The following TEX11 variants were observed in gnomAD, a reference collection of about 807,000 sequenced individuals.
TEX11 encodes testis expressed 11, also known as testis-expressed protein 11.
In TEX11, 7 loss-of-function variants were observed where a neutral mutation model predicts 84.4. The observed-to-expected ratio is 0.08, with a 90% CI of 0.05 to 0.16. The LOEUF is 0.16. TEX11 is among the 10% of genes least tolerant of loss of function. The pLI is 1.00. For missense variants in TEX11, 551 were observed against 660.5 expected (o/e 0.83, Z 1.82); for synonymous variants, 264 against 222.8 (o/e 1.18, Z -1.64).
Position 70,629,094 on chromosome X carries a change from G to A in TEX11, c.1608+517C>T, listed in dbSNP as rs188017959. 2.6e-3 allele frequency among the ~76,000 whole-genome samples: 293 copies of A among 112,120 alleles called. 1 individual carries two copies. Among genetic ancestry groups the A allele is most frequent in the Non-Finnish European group, 4.3e-3 (230 of 53,157 alleles). ...AAGCACAGATTAAATGGCAGAGCCA[G>A]TATTCAAACCTAGTCTAAGAGCTCC... On this transcript the variant is annotated intron_variant, in intron 18 of 29. Coordinates refer to ENST00000374333, the MANE Select transcript of TEX11 (RefSeq NM_031276.3).
At chrX:70,512,712 T>C in the TEX11 span, among the ~76,000 whole-genome samples, 1 of 108,891 alleles carries the variant, frequency 9.2e-6, no homozygotes, top group Non-Finnish European at 1.9e-5. Context: ...AATGGACAGA[T>C]GAATGAATGA....
chrX:70,877,465 T>C (rs1225102284), intron 3 of TEX11, among the ~76,000 whole-genome samples: 1 of 111,498 alleles, frequency 9.0e-6, no homozygotes, highest in Non-Finnish European at 1.9e-5. Flanking sequence ...TGGAAAACAG[T>C]ATGGTGGTTC....
At chrX:70,809,472 T>C (rs1221321931) in intron 8 of TEX11, among the ~76,000 whole-genome samples, 1 of 109,221 alleles carries the variant, frequency 9.2e-6, no homozygotes, top group Non-Finnish European at 1.9e-5. Context: ...GTGTTGGGGG[T>C]AGAGGGAAAA....
chrX:70,724,224 A>G, intron 12 of TEX11: 3 of 753,020 alleles, frequency 4.0e-6, no homozygotes, highest in Non-Finnish European at 4.7e-6. Context: ...TTATTCCCCC[A>G]ATGCAAAAAA....
At chrX:70,525,164 G>C (rs1038157750), downstream of TEX11, among the ~76,000 whole-genome samples, 8 of 111,090 alleles carry the variant, frequency 7.2e-5, no homozygotes, top group Admixed American at 7.7e-4. Context: ...CTGGGTGACA[G>C]AGCAAAATGC....
chrX:70,629,014 G>T lies in TEX11; in HGVS notation c.1608+597C>A, dbSNP rs747829661. Reference sequence around the variant, plus strand: ...CTTAATCGATTTTCATAACAATCCTGGAGGTAGGCATTATCTTTATTTTGC... The same window carrying T: ...CTTAATCGATTTTCATAACAATCCTTGAGGTAGGCATTATCTTTATTTTGC... On this transcript the variant is annotated intron_variant, in intron 18 of 29. Transcript: ENST00000374333. Among the ~76,000 whole-genome samples the T allele has an allele frequency of 6.2e-5, 7 of 112,037 alleles. No individual in the cohort carries two copies. The South Asian group carries it at 2.6e-3, about 42-fold the overall frequency.
chrX:70,780,981 G>A (rs372701453), intron 9 of TEX11, among the ~76,000 whole-genome samples: 15 of 112,392 alleles, frequency 1.3e-4, no homozygotes, highest in South Asian at 3.7e-4. Flanking sequence ...GTTTGAGCTC[G>A]GAGAATGGAC....
intron 25 of TEX11, among the ~76,000 whole-genome samples, chrX:70,574,964 C>A (rs1005426815): frequency 1.8e-5 from 2 of 110,865 alleles, no homozygotes; most frequent in African/African-American, 6.6e-5. Flanking sequence ...CATAGTAGGG[C>A]TAGAGTACAT....
intron 7 of TEX11, among the ~76,000 whole-genome samples, chrX:70,837,926 G>A (rs1282362171): frequency 1.8e-5 from 2 of 111,790 alleles, no homozygotes; most frequent in African/African-American, 3.3e-5. Flanking sequence ...ACACAAGTGA[G>A]TTCATGTAAA....
intron 15 of TEX11, among the ~76,000 whole-genome samples, chrX:70,671,524 T>C (rs1050141695): frequency 9.1e-6 from 1 of 110,342 alleles, no homozygotes; most frequent in African/African-American, 3.3e-5. Context: ...TTTAAGAAAA[T>C]TATTCAGCAA....
At chrX:70,615,431 A>T (rs919105988) in intron 20 of TEX11, among the ~76,000 whole-genome samples, 2 of 112,088 alleles carry the variant, frequency 1.8e-5, no homozygotes, top group African/African-American at 3.2e-5. Context: ...AGAACTGATC[A>T]GGCAGAAGAA....
chrX:70,599,254 A>G (rs2089055609), intron 24 of TEX11, among the ~76,000 whole-genome samples: 1 of 112,136 alleles, frequency 8.9e-6, no homozygotes, highest in Non-Finnish European at 1.9e-5. Context: ...ACAACCCCCC[A>G]GGGGCCTGAT....
At chrX:70,876,028 G>A (rs946569499) in intron 3 of TEX11, among the ~76,000 whole-genome samples, 10 of 111,972 alleles carry the variant, frequency 8.9e-5, no homozygotes, top group Admixed American at 1.9e-4. Flanking sequence ...AATAAGATGC[G>A]CTAATGGACA....
At chrX:70,757,272 C>T (rs778818277) in intron 9 of TEX11, among the ~76,000 whole-genome samples, 1 of 111,103 alleles carries the variant, frequency 9.0e-6, no homozygotes, top group East Asian at 2.8e-4. Flanking sequence ...ACAGAGAATA[C>T]CACAAAGATA....
At chrX:70,751,995 A>G (rs778786349) in intron 9 of TEX11, among the ~76,000 whole-genome samples, 126 of 112,501 alleles carry the variant, frequency 1.1e-3, no homozygotes, top group Non-Finnish European at 2.0e-3. Flanking sequence ...AATATATTCG[A>G]TAACGATTAA....
rs762971246 is a variant in TEX11 at position 70,906,658 on chromosome X, G to A, written c.37+1095C>T. 1.3e-4 allele frequency among the ~76,000 whole-genome samples: 14 copies of A among 110,285 alleles called. No homozygotes were observed. The East Asian group carries it at 2.6e-3, about 20-fold the overall frequency. Reference sequence around the variant, plus strand: ...AAAAATTAGCCAGGCATGGTGGCGCGGGCCTGTAGTCCCAGCTACTTGGGA... The same window carrying A: ...AAAAATTAGCCAGGCATGGTGGCGCAGGCCTGTAGTCCCAGCTACTTGGGA... On this transcript the variant is annotated intron_variant, in intron 2 of 29. Coordinates refer to ENST00000374333, the MANE Select transcript of TEX11 (RefSeq NM_031276.3).
chrX:70,661,743 T>A (rs1264062540), intron 16 of TEX11, among the ~76,000 whole-genome samples: 9 of 111,644 alleles, frequency 8.1e-5, no homozygotes, highest in Non-Finnish European at 1.5e-4. Context: ...TCCGCTCTGA[T>A]ACCCAGGCAA....
chrX:70,521,082 T>C, the TEX11 span, among the ~76,000 whole-genome samples: 1 of 111,477 alleles, frequency 9.0e-6, no homozygotes, highest in African/African-American at 3.3e-5. Flanking sequence ...CCCTGACCCC[T>C]TGTGCTTCCT....
intron 7 of TEX11, among the ~76,000 whole-genome samples, chrX:70,834,188 T>C (rs772271432): frequency 1.2e-5 from 1 of 80,465 alleles, no homozygotes; most frequent in Admixed American, 1.3e-4. Context: ...AAACCCCATC[T>C]CTTAAAAAAA....
Sources: allele counts gnomAD v4.1 joint callset (sites outside exome capture counted in the v4.1 genomes callset), GRCh38; gene constraint gnomAD v4.1.1; transcripts MANE v1.5; gene names NCBI Gene and HGNC (gene_info 2026-07-23, HGNC 2026-07-21).